Variants in UTRN observed in about 807,000 individuals in gnomAD.
The protein encoded by UTRN is utrophin.
In UTRN, 283 loss-of-function variants were observed where a neutral mutation model predicts 463.9. The ratio of observed to expected loss-of-function variants is 0.61; its 90% CI spans 0.55 to 0.67. The LOEUF is 0.67. Ranked by LOEUF, UTRN falls within the 30% of genes least tolerant of loss-of-function variation. The pLI is 0.00. For synonymous variants in UTRN, 1,442 were observed against 1,431.5 expected (o/e 1.01, Z -0.17); for missense variants, 3,922 against 4,084.3 (o/e 0.96, Z 1.08).
rs375503412 is a variant in UTRN, at chr6:144,737,803, CT to C, written c.7939+7322del. On this transcript the variant is annotated intron_variant, in intron 54 of 74. Coordinates refer to ENST00000367545, the MANE Select transcript of UTRN (RefSeq NM_007124.3). Reference sequence around the variant, plus strand: ...TTAATTTGTATCATGTCAATGTATACTTTTTCCTTTTAATGCAATTGAACTG... The same window carrying C: ...TTAATTTGTATCATGTCAATGTATACTTTTCCTTTTAATGCAATTGAACTG... Among the ~76,000 whole-genome samples, 391 of 149,520 alleles carry C rather than the reference CT, an allele frequency of 2.6e-3. 1 individual carries two copies. The highest frequency in any genetic ancestry group is 9.2e-3 in the African/African-American group (368 of 40,214).
intron 9 of UTRN, among the ~76,000 whole-genome samples, chr6:144,431,597 C>A (rs756837925): frequency 6.6e-6 from 1 of 152,150 alleles, no homozygotes; most frequent in Non-Finnish European, 1.5e-5. Context: ...CTCATGTGTT[C>A]GAATTAATAC....
chr6:144,788,385 AG>A (rs1368800821), intron 61 of UTRN, among the ~76,000 whole-genome samples: 3 of 152,180 alleles, frequency 2.0e-5, no homozygotes, highest in Non-Finnish European at 4.4e-5. Context: ...ATTACCAATT[AG>A]TATTCAGCAA....
intron 43 of UTRN, among the ~76,000 whole-genome samples, chr6:144,536,056 A>C (rs544363691): frequency 6.6e-6 from 1 of 152,350 alleles, no homozygotes; most frequent in East Asian, 1.9e-4. Flanking sequence ...CTGGGATTAC[A>C]GCCGTGAGCC....
chr6:144,731,574 G>A (rs967706426), intron 54 of UTRN, among the ~76,000 whole-genome samples: 18 of 152,270 alleles, frequency 1.2e-4, no homozygotes, highest in Admixed American at 2.6e-4. Context: ...ACAGGTAGCC[G>A]TTTTCCTACT....
At chr6:144,427,066 A>G (rs1456737178) in intron 7 of UTRN, among the ~76,000 whole-genome samples, 3 of 152,214 alleles carry the variant, frequency 2.0e-5, no homozygotes, top group African/African-American at 4.8e-5. Context: ...TTTTTGCTAT[A>G]TAAGAATGGT....
In UTRN at chr6:144,426,452, C is replaced by G. The variant is rs146738862; in HGVS notation, c.571C>G (p.Arg191Gly). 9.2e-5 allele frequency: 149 copies of G among 1,613,456 alleles called. 1 individual carries two copies. In the African/African-American group the frequency reaches 1.6e-3, roughly 17 times the overall value. ...DGLAFNAVLH[R>G]HKPDLFSWDK... ...ACTCGCCTTTAATGCTGTCCTCCAC[C>G]GACATAAGTGAGACATTACTCTATC... Residue 191 changes from arginine (R) to glycine (G), a missense_variant, in exon 7 of 75, where the codon CGA becomes GGA. Transcript: ENST00000367545.
chr6:144,403,894 G>T (rs1163725833), intron 3 of UTRN, among the ~76,000 whole-genome samples: 2 of 152,100 alleles, frequency 1.3e-5, no homozygotes, highest in Admixed American at 6.6e-5. Context: ...AGATTGTTTA[G>T]GACTCTTCTA....
intron 2 of UTRN, among the ~76,000 whole-genome samples, chr6:144,368,203 G>A (rs900246093): frequency 1.3e-5 from 2 of 152,118 alleles, no homozygotes; most frequent in East Asian, 1.9e-4. Flanking sequence ...GAATTATCAC[G>A]TGGACATTGA....
chr6:144,499,396 G>T lies in UTRN; in HGVS notation c.4733G>T (p.Gly1578Val), dbSNP rs781120120. 1 of 1,610,060 alleles carries T rather than the reference G, an allele frequency of 6.2e-7. No individual in the cohort carries two copies. The highest frequency in any genetic ancestry group is 1.1e-5 in the South Asian group (1 of 90,538). ...AAGTCCACTTCAGAAGGTCTGCTTG[G>T]TGACTTGGATACAGAAATTTCCTGG... The part of the protein sequence containing the change: ...VQKSTSEGLL[G>V]DLDTEISWAK... The change falls in exon 34 of 75, where the codon GGT becomes GTT. Residue 1578 changes from glycine (G) to valine (V), a missense_variant. Around this residue, in one of 3 missense-constraint regions of UTRN, gnomAD observed 2,349 missense variants for 2,303.8 expected, o/e 1.02. Transcript: ENST00000367545.
chr6:144,597,165 G>C (rs947066553), intron 51 of UTRN, among the ~76,000 whole-genome samples: 4 of 150,120 alleles, frequency 2.7e-5, no homozygotes, highest in Non-Finnish European at 5.9e-5. Flanking sequence ...TTGAACCTGG[G>C]AGGCGAAGGT....
chr6:144,797,891 T>C lies in UTRN; in HGVS notation c.9146T>C (p.Met3049Thr). 1 of 1,614,182 alleles carries C rather than the reference T, an allele frequency of 6.2e-7. No homozygotes were observed. ...IDWMHLEPQS[M>T]VWLPVLHRVA... The stretch of plus-strand genomic sequence containing the variant: ...TGGATGCATTTGGAACCACAGTCCA[T>C]GGTTTGGCTCCCAGTTTTACATCGA... Residue 3049 changes from methionine to threonine, a missense_variant, in exon 64 of 75, where the codon ATG becomes ACG. Transcript: ENST00000367545.
At chr6:144,775,845 C>T (rs1347871554) in intron 60 of UTRN, among the ~76,000 whole-genome samples, 1 of 152,134 alleles carries the variant, frequency 6.6e-6, no homozygotes, top group African/African-American at 2.4e-5. Context: ...TCTCTTGGTT[C>T]TTTGGATTCC....
At chr6:144,593,527 G>C (rs1803332500) in intron 51 of UTRN, among the ~76,000 whole-genome samples, 1 of 152,144 alleles carries the variant, frequency 6.6e-6, no homozygotes, top group Non-Finnish European at 1.5e-5. Context: ...CCATTTGTAG[G>C]CTAGGGTAGA....
chr6:144,768,963 T>TTG lies in UTRN; in HGVS notation c.8496-2943_8496-2942insGT, dbSNP rs1554382257. Among the ~76,000 whole-genome samples the TTG allele has an allele frequency of 2.5e-3, 377 of 149,972 alleles. 9 individuals are homozygous for TTG. Among genetic ancestry groups the TTG allele is most frequent in the African/African-American group, 8.7e-3 (352 of 40,416 alleles). On this transcript the variant is annotated intron_variant, in intron 58 of 74. Transcript: ENST00000367545. ...TTTGTTTTTTGTTTTGTTTTGTTTT[T>TTG]TTTTTTTTAATTTTATTCTTGGATA...
intron 52 of UTRN, among the ~76,000 whole-genome samples, chr6:144,699,045 C>G (rs769264529): frequency 6.6e-5 from 10 of 152,180 alleles, no homozygotes; most frequent in Non-Finnish European, 7.3e-5. Context: ...TATTTTCCAA[C>G]TTTTTGAAGT....
chr6:144,318,062 AT>A (rs959095415), intron 2 of UTRN, among the ~76,000 whole-genome samples: 17 of 148,448 alleles, frequency 1.1e-4, no homozygotes, highest in Non-Finnish European at 1.3e-4. Context: ...TGCTTGTAGG[AT>A]TTTTTTTTTA....
chr6:144,500,638 ATTC>A (rs1243855649), intron 34 of UTRN, among the ~76,000 whole-genome samples: 1 of 152,218 alleles, frequency 6.6e-6, no homozygotes, highest in African/African-American at 2.4e-5. Flanking sequence ...GCTGAGTTTA[ATTC>A]TTCTTTAATA....
At chr6:144,398,409 C>G (rs993106661) in intron 2 of UTRN, 2 of 384,154 alleles carry the variant, frequency 5.2e-6, no homozygotes. Flanking sequence ...ATTCTTCTTG[C>G]ATTAATGCAC....
chr6:144,750,977 T>G (rs1791330951), intron 55 of UTRN, among the ~76,000 whole-genome samples: 1 of 152,188 alleles, frequency 6.6e-6, no homozygotes, highest in South Asian at 2.1e-4. Flanking sequence ...TTCTGTAGAC[T>G]CCACTCTTCC....
Sources: gnomAD v4.1 joint callset for allele counts (sites outside exome capture counted in the v4.1 genomes callset) on GRCh38, gnomAD v4.1.1 for gene constraint, gnomAD v4.1.1 regional missense constraint, MANE v1.5 for transcripts, NCBI Gene and HGNC (gene_info 2026-07-23, HGNC 2026-07-21) for gene names.